GDI2: variants seen among roughly 807,000 people sequenced by gnomAD.
The protein encoded by GDI2 is GDP dissociation inhibitor 2.
Under a neutral mutation model 54.2 loss-of-function variants are expected in GDI2, and 22 were observed. The ratio of observed to expected loss-of-function variants is 0.41; its 90% CI spans 0.29 to 0.58. GDI2 has a LOEUF of 0.58. Ranked by LOEUF, GDI2 falls within the 20% of genes least tolerant of loss-of-function variation. The pLI is 0.35. For missense variants in GDI2, 422 were observed against 546.0 expected (o/e 0.77, Z 2.26); for synonymous variants, 177 against 182.1 (o/e 0.97, Z 0.23).
intron 6 of GDI2, among the ~76,000 whole-genome samples, chr10:5,782,666 G>A (rs918971079): frequency 3.9e-5 from 6 of 152,192 alleles, no homozygotes; most frequent in African/African-American, 1.4e-4. Flanking sequence ...AGGCACAATG[G>A]CTCACACCTG....
intron 2 of GDI2, among the ~76,000 whole-genome samples, chr10:5,798,990 A>G (rs1215207685): frequency 6.6e-6 from 1 of 152,048 alleles, no homozygotes; most frequent in East Asian, 1.9e-4. Flanking sequence ...AAAAATAAAA[A>G]TAAAATAAAA....
chr10:5,792,884 G>A (rs1374208384), intron 4 of GDI2, among the ~76,000 whole-genome samples: 1 of 148,846 alleles, frequency 6.7e-6, no homozygotes, highest in Non-Finnish European at 1.5e-5. Context: ...TTAGATGAAG[G>A]AGGTAACTGA....
In GDI2 at chr10:5,794,993, T is replaced by C; in HGVS notation, c.280A>G (p.Thr94Ala). 6.3e-7 allele frequency: 1 copy of C among 1,592,026 alleles called. No homozygotes were observed. The highest frequency in any genetic ancestry group is 8.6e-7 in the Non-Finnish European group (1 of 1,159,934). Reference protein sequence around the residue: ...NGQLVKMLLYTEVTRYLDFKV... With the variant: ...NGQLVKMLLYAEVTRYLDFKV... ...AAATCCAGATAGCGAGTTACCTCTGTATAAAGCAGCATCTTAACCAGCTGA... is the reference window on the plus strand; with the variant it reads ...AAATCCAGATAGCGAGTTACCTCTGCATAAAGCAGCATCTTAACCAGCTGA... The change falls in exon 4 of 11, where the codon ACA becomes GCA. Residue 94 changes from threonine (T) to alanine (A), a missense_variant. Coordinates refer to ENST00000380191, the MANE Select transcript of GDI2 (RefSeq NM_001494.4).
Position 5,796,757 on chromosome 10 carries a change from C to T in GDI2, c.253+6G>A. 1 of 1,317,350 alleles carries T rather than the reference C, an allele frequency of 7.6e-7. No individual in the cohort carries two copies. The highest frequency in any genetic ancestry group is 1.1e-6 in the Non-Finnish European group (1 of 911,970). 81.6% of individuals were successfully genotyped at this position (1,317,350 alleles called of 1,614,324 possible). ...CTGTCATAAATTTAAGTTAGAAATTCTTTACCATTAGCCATAAGGAACTTG... is the reference window on the plus strand; with the variant it reads ...CTGTCATAAATTTAAGTTAGAAATTTTTTACCATTAGCCATAAGGAACTTG... On this transcript the variant is annotated splice_donor_region_variant and intron_variant, in intron 3 of 10. Transcript: ENST00000380191.
intron 4 of GDI2, among the ~76,000 whole-genome samples, chr10:5,793,093 C>G (rs1841054552): frequency 6.6e-6 from 1 of 152,104 alleles, no homozygotes; most frequent in Non-Finnish European, 1.5e-5. Context: ...TTCCTGGACT[C>G]AAGCGATCCT....
intron 3 of GDI2, among the ~76,000 whole-genome samples, chr10:5,796,166 A>G (rs973244709): frequency 2.6e-5 from 4 of 152,088 alleles, no homozygotes; most frequent in Non-Finnish European, 1.5e-5. Flanking sequence ...CCTGGCCAAC[A>G]TGGTAAAACC....
intron 6 of GDI2, among the ~76,000 whole-genome samples, chr10:5,783,550 G>A (rs1024075181): frequency 2.0e-5 from 3 of 152,152 alleles, no homozygotes; most frequent in African/African-American, 7.2e-5. Flanking sequence ...TATAGGTCCT[G>A]TGTGATTTAT....
At position 5,765,750 on chromosome 10, in the gene GDI2, GT is replaced by G. The variant is rs1840306173; in HGVS notation, c.*255del. On this transcript the variant is annotated 3_prime_UTR_variant, in exon 11 of 11. Transcript: ENST00000380191. ...AAGTTGTCTGTGTCGGTATCCCAAT[GT>G]TTGTTTAACTTCACTAGAAAAAAAA... The G allele has an allele frequency of 5.3e-6, 2 of 374,904 alleles. No homozygotes were observed. Among genetic ancestry groups the G allele is most frequent in the Non-Finnish European group, 9.0e-6 (2 of 221,254 alleles). The allele number at this position is 374,904 out of a possible 1,614,324, so 23.2% of individuals were successfully genotyped here. A position where few individuals can be genotyped will look rare whatever the true frequency, so the allele number is the denominator to read the frequency against.
At chr10:5,803,738 A>G (rs1841317553) in intron 1 of GDI2, among the ~76,000 whole-genome samples, 1 of 152,146 alleles carries the variant, frequency 6.6e-6, no homozygotes, top group Non-Finnish European at 1.5e-5. Flanking sequence ...ACTAAGACAA[A>G]CCAAATTAAG....
chr10:5,794,391 A>G (rs956697449), intron 4 of GDI2, among the ~76,000 whole-genome samples: 3 of 151,382 alleles, frequency 2.0e-5, no homozygotes, highest in African/African-American at 7.3e-5. Context: ...AGGGCTCTGG[A>G]GCCACACTAC....
At chr10:5,795,398 G>A (rs1257316114) in intron 3 of GDI2, among the ~76,000 whole-genome samples, 1 of 152,104 alleles carries the variant, frequency 6.6e-6, no homozygotes, top group East Asian at 1.9e-4. Flanking sequence ...TGGGATTATA[G>A]GCACGAGGCA....
Position 5,768,273 on chromosome 10 carries a change from T to C in GDI2, c.931A>G (p.Thr311Ala). 1 of 1,611,218 alleles carries C rather than the reference T, an allele frequency of 6.2e-7. No individual in the cohort carries two copies. Among genetic ancestry groups the C allele is most frequent in the South Asian group, 1.1e-5 (1 of 91,030 alleles). The change falls in exon 8 of 11, where the codon ACC becomes GCC. Residue 311 changes from threonine to alanine, a missense_variant. Coordinates refer to ENST00000380191, the MANE Select transcript of GDI2 (RefSeq NM_001494.4). This position sits in a 1 kb window ranked among gnomAD's most constrained non-coding sequence, Gnocchi z 4.4. ...ATCTGGCAGGAGTTGGCATCATTGG[T>C]GTTCTTGATGGGGTGGCTGAGGATG... ...ICILSHPIKN[T>A]NDANSCQIII...
intron 1 of GDI2, among the ~76,000 whole-genome samples, chr10:5,805,295 A>G (rs545794231): frequency 1.3e-5 from 2 of 149,976 alleles, no homozygotes; most frequent in East Asian, 3.9e-4. Flanking sequence ...GAAAACACAG[A>G]CTGCTAGGCC....
intron 4 of GDI2, among the ~76,000 whole-genome samples, chr10:5,793,534 C>T (rs1480496928): frequency 6.6e-6 from 1 of 152,012 alleles, no homozygotes; most frequent in African/African-American, 2.4e-5. Context: ...TATTTTATAC[C>T]CAATATTTTC....
At chr10:5,785,736 T>C (rs1299876857) in intron 5 of GDI2, 116 bp downstream of exon 5, 2 of 668,840 alleles carry the variant, frequency 3.0e-6, no homozygotes, top group African/African-American at 1.8e-5. Flanking sequence ...TAGAACCTCT[T>C]CATTCATAGT....
At chr10:5,804,608 A>G (rs190900283) in intron 1 of GDI2, among the ~76,000 whole-genome samples, 1 of 152,280 alleles carries the variant, frequency 6.6e-6, no homozygotes, top group East Asian at 1.9e-4. Context: ...AGATTCTTTC[A>G]TGTTTTGTGC....
chr10:5,810,739 C>T (rs150365997), intron 1 of GDI2, among the ~76,000 whole-genome samples: 2 of 152,182 alleles, frequency 1.3e-5, no homozygotes, highest in African/African-American at 2.4e-5. Context: ...TTAGAGATAA[C>T]CTTTAGTTCC....
chr10:5,781,810 T>TA (rs1036952133), intron 6 of GDI2, among the ~76,000 whole-genome samples: 90 of 152,056 alleles, frequency 5.9e-4, no homozygotes, highest in African/African-American at 2.1e-3. Context: ...GGTCAGGAGT[T>TA]AGAGACCAGC....
At position 5,765,305 on chromosome 10, in the gene GDI2, C is replaced by G. The variant is rs1210397021; in HGVS notation, c.*701G>C. Reference sequence around the variant, plus strand: ...GACAGAAGTAGAGGCTCTGTCAAGTCAATACTGCATTGCAGCTTGGTCCAC... The same window carrying G: ...GACAGAAGTAGAGGCTCTGTCAAGTGAATACTGCATTGCAGCTTGGTCCAC... On this transcript the variant is annotated 3_prime_UTR_variant, in exon 11 of 11. Coordinates refer to ENST00000380191, the MANE Select transcript of GDI2 (RefSeq NM_001494.4). 17 of 152,654 alleles carry G rather than the reference C, an allele frequency of 1.1e-4. No individual in the cohort carries two copies. The highest frequency in any genetic ancestry group is 1.1e-3 in the Admixed American group (17 of 15,278). 9.5% of individuals were successfully genotyped at this position (152,654 alleles called of 1,614,324 possible).
Sources: gnomAD v4.1 joint callset for allele counts (sites outside exome capture counted in the v4.1 genomes callset) on GRCh38, gnomAD v4.1.1 for gene constraint, Gnocchi (gnomAD v3.1) non-coding constraint, MANE v1.5 for transcripts, NCBI Gene and HGNC (gene_info 2026-07-23, HGNC 2026-07-21) for gene names.